The following CNTNAP2 variants were observed in gnomAD, a reference collection of about 807,000 sequenced individuals.
CNTNAP2 encodes the protein contactin-associated protein-like 2.
Under a neutral mutation model 155.2 loss-of-function variants are expected in CNTNAP2, and 98 were observed. The ratio of observed to expected loss-of-function variants is 0.63; its 90% CI spans 0.54 to 0.75. The LOEUF (loss-of-function observed/expected upper bound fraction) is 0.75. CNTNAP2 is among the 30% of genes least tolerant of loss of function. The pLI is 0.00. For missense variants in CNTNAP2, 1,727 were observed against 1,688.1 expected (o/e 1.02, Z -0.40); for synonymous variants, 651 against 631.2 (o/e 1.03, Z -0.47).
At chr7:148,098,444 G>GAAACAAAAAAAAA (rs1804018609) in intron 15 of CNTNAP2, among the ~76,000 whole-genome samples, 1 of 56,404 alleles carries the variant, frequency 1.8e-5, no homozygotes, top group Non-Finnish European at 2.8e-5. Flanking sequence ...CTCTGTCTCA[G>GAAACAAAAAAAAA]AAAAAAAAAA....
At chr7:148,152,307 G>A (rs1039274446) in intron 17 of CNTNAP2, among the ~76,000 whole-genome samples, 1 of 152,032 alleles carries the variant, frequency 6.6e-6, no homozygotes, top group Non-Finnish European at 1.5e-5. Context: ...TAGGGAATGG[G>A]TGTTGCTGAT....
intron 3 of CNTNAP2, among the ~76,000 whole-genome samples, chr7:146,842,256 C>T (rs146397769): frequency 6.6e-6 from 1 of 152,128 alleles, no homozygotes; most frequent in Non-Finnish European, 1.5e-5. Context: ...GTAGTGAAAA[C>T]ATCACAAATT....
At chr7:148,174,487 G>A (rs897456919) in intron 18 of CNTNAP2, among the ~76,000 whole-genome samples, 12 of 152,130 alleles carry the variant, frequency 7.9e-5, no homozygotes, top group Non-Finnish European at 1.0e-4. Flanking sequence ...GGCATTGGCC[G>A]AAGAATGAGC....
intron 13 of CNTNAP2, among the ~76,000 whole-genome samples, chr7:147,790,262 C>T (rs1198324577): frequency 1.3e-5 from 2 of 152,086 alleles, no homozygotes; most frequent in Admixed American, 1.3e-4. Context: ...CTTTCTTCAA[C>T]ATATATATCA....
chr7:147,399,088 G>A (rs545263310), intron 10 of CNTNAP2, among the ~76,000 whole-genome samples: 1 of 152,120 alleles, frequency 6.6e-6, no homozygotes, highest in Non-Finnish European at 1.5e-5. Context: ...AGAGAGCACA[G>A]GCAACGAAAG....
chr7:148,299,142 G>A (rs6951152), intron 21 of CNTNAP2, among the ~76,000 whole-genome samples: 390 of 151,784 alleles, frequency 2.6e-3, no homozygotes, highest in African/African-American at 8.8e-3. Flanking sequence ...AGGCGCCCAC[G>A]ACCACGCCTG....
Position 147,108,238 on chromosome 7 carries a change from G to A in CNTNAP2, c.642G>A (p.Leu214=). ...AAACACTGAAAGATGTCATTGCCTT[G>A]AACTTTAAGACGTCTGAAAGTGAAG... The part of the protein sequence containing the change: ...KMKTLKDVIA[L]NFKTSESEGV... Residue 214 remains leucine (L), a synonymous_variant, in exon 5 of 24, where the codon TTG becomes TTA. Coordinates refer to ENST00000361727, the MANE Select transcript of CNTNAP2 (RefSeq NM_014141.6). 1 of 1,613,550 alleles carries A rather than the reference G, an allele frequency of 6.2e-7. No homozygotes were observed. The highest frequency in any genetic ancestry group is 1.3e-5 in the African/African-American group (1 of 74,966).
At chr7:147,737,158 C>A (rs1359351284) in intron 13 of CNTNAP2, among the ~76,000 whole-genome samples, 1 of 152,146 alleles carries the variant, frequency 6.6e-6, no homozygotes, top group Non-Finnish European at 1.5e-5. Context: ...GTGGTTTTAT[C>A]TACCTTTGGT....
intron 1 of CNTNAP2, among the ~76,000 whole-genome samples, chr7:146,222,626 A>G (rs1584810014): frequency 6.7e-6 from 1 of 150,348 alleles, no homozygotes; most frequent in East Asian, 2.0e-4. Flanking sequence ...ACATGGATGT[A>G]TAGAACATAG....
At chr7:146,827,764 C>A (rs1345983969) in intron 2 of CNTNAP2, among the ~76,000 whole-genome samples, 1 of 152,020 alleles carries the variant, frequency 6.6e-6, no homozygotes, top group Non-Finnish European at 1.5e-5. Context: ...CTGATGAAGG[C>A]TTCGATCTTG....
intron 1 of CNTNAP2, among the ~76,000 whole-genome samples, chr7:146,672,456 A>G (rs774191146): frequency 1.3e-5 from 2 of 152,202 alleles, no homozygotes; most frequent in Non-Finnish European, 2.9e-5. Context: ...ATTCAGTGCC[A>G]TCTCTGCATC....
chr7:147,996,717 A>G (rs1412435647), intron 15 of CNTNAP2, among the ~76,000 whole-genome samples: 2 of 152,362 alleles, frequency 1.3e-5, no homozygotes, highest in Admixed American at 1.3e-4. Context: ...TTGTAATACT[A>G]GATGAATTAA....
intron 13 of CNTNAP2, among the ~76,000 whole-genome samples, chr7:147,863,971 C>T (rs976860665): frequency 4.6e-5 from 7 of 152,098 alleles, no homozygotes; most frequent in South Asian, 2.1e-4. Context: ...GTTGCCATTG[C>T]TTTTGGTGTT....
intron 1 of CNTNAP2, among the ~76,000 whole-genome samples, chr7:146,184,685 T>C (rs1798597867): frequency 6.6e-6 from 1 of 152,132 alleles, no homozygotes; most frequent in Admixed American, 6.5e-5. Context: ...ATGGTTGGAG[T>C]TGCTGAATAT....
chr7:146,616,640 G>C (rs1262957309), intron 1 of CNTNAP2, among the ~76,000 whole-genome samples: 1 of 152,174 alleles, frequency 6.6e-6, no homozygotes. Context: ...TGATCAGCTA[G>C]TATCTGCATA....
At chr7:148,244,873 T>G (rs941068215) in intron 20 of CNTNAP2, among the ~76,000 whole-genome samples, 9 of 152,230 alleles carry the variant, frequency 5.9e-5, no homozygotes, top group Admixed American at 3.3e-4. Context: ...GTTGCCTTTT[T>G]TTTTAATCTA....
At chr7:147,001,637 A>G (rs2129241112) in intron 3 of CNTNAP2, among the ~76,000 whole-genome samples, 1 of 152,096 alleles carries the variant, frequency 6.6e-6, no homozygotes, top group East Asian at 1.9e-4. Context: ...CCAGCCATGA[A>G]TTCTTCATAA....
intron 1 of CNTNAP2, among the ~76,000 whole-genome samples, chr7:146,609,824 T>C (rs545416702): frequency 6.6e-6 from 1 of 152,196 alleles, no homozygotes; most frequent in Non-Finnish European, 1.5e-5. Context: ...TAATTCTAGA[T>C]AGTATAGGAA....
chr7:148,392,847 A>C (rs1291542841), intron 22 of CNTNAP2, among the ~76,000 whole-genome samples: 1 of 152,100 alleles, frequency 6.6e-6, no homozygotes, highest in African/African-American at 2.4e-5. Flanking sequence ...GGAACTTGGC[A>C]CTTGGGATCA....
Sources: allele counts gnomAD v4.1 joint callset (sites outside exome capture counted in the v4.1 genomes callset), GRCh38; gene constraint gnomAD v4.1.1; transcripts MANE v1.5; gene names NCBI Gene and HGNC (gene_info 2026-07-23, HGNC 2026-07-21).